The following RSPO2 variants were observed in gnomAD, a reference collection of about 807,000 sequenced individuals.
RSPO2 encodes the protein R-spondin-2.
A neutral mutation model predicts 30.9 loss-of-function variants in RSPO2; 14 were observed. That is an observed-to-expected ratio of 0.45 (90% CI 0.30 to 0.71). The LOEUF (loss-of-function observed/expected upper bound fraction) is 0.71. Ranked by LOEUF, RSPO2 falls within the 30% of genes least tolerant of loss-of-function variation. RSPO2 has a pLI of 0.08. For missense variants in RSPO2, 264 were observed against 301.9 expected, an observed-to-expected ratio of 0.87 and a Z score of 0.93; for synonymous variants, 107 against 96.4, an observed-to-expected ratio of 1.11 and a Z score of -0.64.
chr8:107,979,650 A>G (rs1814353241), intron 3 of RSPO2, among the ~76,000 whole-genome samples: 2 of 152,024 alleles, frequency 1.3e-5, no homozygotes, highest in African/African-American at 2.4e-5. Context: ...CGTTGTGCAC[A>G]TGTACCCTAA....
intron 2 of RSPO2, among the ~76,000 whole-genome samples, chr8:108,074,190 AG>A (rs1289044875): frequency 5.9e-5 from 9 of 152,248 alleles, no homozygotes; most frequent in Non-Finnish European, 1.2e-4. Context: ...AAGTGCTCTT[AG>A]TATCTTTCAG....
chr8:108,061,851 C>A lies in RSPO2; in HGVS notation c.94+20694G>T, dbSNP rs570469678. Reference sequence around the variant, plus strand: ...ACAAACTGTCTCTCAGACCACAGTGCAATCAAACTACAACTCAGGATTAAG... The same window carrying A: ...ACAAACTGTCTCTCAGACCACAGTGAAATCAAACTACAACTCAGGATTAAG... On this transcript the variant is annotated intron_variant, in intron 2 of 5. Coordinates refer to ENST00000276659, the MANE Select transcript of RSPO2 (RefSeq NM_178565.5). Among the ~76,000 whole-genome samples the A allele has an allele frequency of 2.8e-4, 43 of 151,984 alleles. 1 individual carries two copies. Among genetic ancestry groups the A allele is most frequent in the African/African-American group, 9.9e-4 (41 of 41,254 alleles).
chr8:107,987,014 A>G (rs1300382626), intron 3 of RSPO2, among the ~76,000 whole-genome samples: 1 of 152,140 alleles, frequency 6.6e-6, no homozygotes, highest in Non-Finnish European at 1.5e-5. Context: ...GTTTCCTTTA[A>G]ATATTAATCC....
chr8:108,072,175 G>A (rs1812866302), intron 2 of RSPO2, among the ~76,000 whole-genome samples: 1 of 152,032 alleles, frequency 6.6e-6, no homozygotes, highest in African/African-American at 2.4e-5. Flanking sequence ...CAAAATCTTG[G>A]AGGAGAAAAA....
intron 2 of RSPO2, among the ~76,000 whole-genome samples, chr8:108,041,167 T>G (rs1811740649): frequency 8.8e-6 from 1 of 113,014 alleles, no homozygotes. Flanking sequence ...TTTTTTCTCC[T>G]CACAACATTT....
intron 2 of RSPO2, among the ~76,000 whole-genome samples, chr8:108,061,543 T>G (rs11779186): frequency 0.21 from 32,239 of 150,958 alleles, 3,643 homozygotes; most frequent in East Asian, 0.42. Flanking sequence ...AGCAAATCCT[T>G]AGAGACCTAC....
At chr8:108,024,330 T>C (rs1042464699) in intron 2 of RSPO2, among the ~76,000 whole-genome samples, 1 of 152,156 alleles carries the variant, frequency 6.6e-6, no homozygotes, top group African/African-American at 2.4e-5. Context: ...TTGGATAAGT[T>C]GTGGTACTTC....
intron 3 of RSPO2, chr8:107,983,189 G>A: frequency 1.9e-6 from 3 of 1,559,574 alleles, no homozygotes; most frequent in Non-Finnish European, 2.6e-6. Flanking sequence ...TTAGCTGTAG[G>A]CAAATACGAA....
chr8:108,046,578 A>G (rs1479856557), intron 2 of RSPO2, among the ~76,000 whole-genome samples: 1 of 152,038 alleles, frequency 6.6e-6, no homozygotes, highest in Non-Finnish European at 1.5e-5. Context: ...GGCTATGCAA[A>G]CTTTTTTCTT....
intron 5 of RSPO2, among the ~76,000 whole-genome samples, chr8:107,942,472 A>G (rs1170032945): frequency 6.6e-6 from 1 of 152,216 alleles, no homozygotes. Flanking sequence ...TATCTAAAAT[A>G]AAGATCTAAG....
intron 2 of RSPO2, among the ~76,000 whole-genome samples, chr8:108,058,018 T>C (rs1488209827): frequency 6.6e-6 from 1 of 152,130 alleles, no homozygotes; most frequent in Non-Finnish European, 1.5e-5. Flanking sequence ...CTATGTTGAA[T>C]AGGAGTGGTG....
At chr8:107,990,932 C>T (rs1298358986) in intron 2 of RSPO2, among the ~76,000 whole-genome samples, 1 of 151,920 alleles carries the variant, frequency 6.6e-6, no homozygotes, top group East Asian at 1.9e-4. Context: ...CAAACCTGAC[C>T]AAAACAAGCA....
At chr8:107,994,222 T>C (rs1273158101) in intron 2 of RSPO2, among the ~76,000 whole-genome samples, 4 of 152,192 alleles carry the variant, frequency 2.6e-5, no homozygotes, top group African/African-American at 7.2e-5. Flanking sequence ...AGTATATTTG[T>C]ACATTTTTAC....
chr8:107,993,661 T>C (rs1461380263), intron 2 of RSPO2, among the ~76,000 whole-genome samples: 2 of 152,062 alleles, frequency 1.3e-5, no homozygotes, highest in African/African-American at 2.4e-5. Context: ...ATGACCACAA[T>C]TTGGTGGCTT....
chr8:107,998,975 C>T (rs1815125918), intron 2 of RSPO2, among the ~76,000 whole-genome samples: 1 of 152,126 alleles, frequency 6.6e-6, no homozygotes, highest in African/African-American at 2.4e-5. Flanking sequence ...GCCCAGGAAG[C>T]AGAAGTTGCA....
intron 3 of RSPO2, among the ~76,000 whole-genome samples, chr8:107,965,967 C>T (rs1417395352): frequency 6.6e-6 from 1 of 152,002 alleles, no homozygotes; most frequent in African/African-American, 2.4e-5. Context: ...TTTAGGGAGA[C>T]AAGAAGAAGC....
chr8:108,051,897 T>C (rs969101954), intron 2 of RSPO2, among the ~76,000 whole-genome samples: 1 of 152,164 alleles, frequency 6.6e-6, no homozygotes, highest in Admixed American at 6.6e-5. Flanking sequence ...GGGTTTGGCA[T>C]GGGTTGGAGG....
At chr8:108,039,524 AG>A (rs1415620678) in intron 2 of RSPO2, among the ~76,000 whole-genome samples, 3 of 152,186 alleles carry the variant, frequency 2.0e-5, no homozygotes, top group Non-Finnish European at 4.4e-5. Flanking sequence ...TTAGAATAAA[AG>A]AATGCTTAAA....
intron 5 of RSPO2, among the ~76,000 whole-genome samples, chr8:107,950,778 CCT>C (rs1169182077): frequency 2.0e-5 from 3 of 151,214 alleles, no homozygotes; most frequent in Non-Finnish European, 2.9e-5. Flanking sequence ...AAATTTGACA[CCT>C]CTGTTACACA....
Sources: allele counts gnomAD v4.1 joint callset (sites outside exome capture counted in the v4.1 genomes callset), GRCh38; gene constraint gnomAD v4.1.1; transcripts MANE v1.5; gene names NCBI Gene and HGNC (gene_info 2026-07-23, HGNC 2026-07-21).